SEPTIN14: variants seen among roughly 807,000 people sequenced by gnomAD.
SEPTIN14 encodes the protein septin-14.
Under a neutral mutation model 53.6 loss-of-function variants are expected in SEPTIN14, and 40 were observed. The observed-to-expected ratio is 0.75, with a 90% CI of 0.58 to 0.97. The LOEUF (loss-of-function observed/expected upper bound fraction) is 0.97. SEPTIN14 is among the 50% of genes least tolerant of loss of function. SEPTIN14 has a pLI of 0.00. For missense variants in SEPTIN14, 471 were observed against 508.2 expected (o/e 0.93, Z 0.70); for synonymous variants, 138 against 166.8 (o/e 0.83, Z 1.33).
Position 55,812,672 on chromosome 7 carries a change from C to G in SEPTIN14, c.818-5414G>C, listed in dbSNP as rs538819563. On this transcript the variant is annotated intron_variant, in intron 7 of 9. Transcript: ENST00000388975. ...TTGAACAAATATCCATGCAAGAAAA[C>G]ACCTTCATAAGGATGAAAAATCAGG... 3.2e-4 allele frequency among the ~76,000 whole-genome samples: 49 copies of G among 152,252 alleles called. 1 individual carries two copies. The highest frequency in any genetic ancestry group is 6.3e-4 in the Non-Finnish European group (43 of 68,012).
intron 7 of SEPTIN14, among the ~76,000 whole-genome samples, chr7:55,810,352 T>C (rs777741470): frequency 2.0e-5 from 3 of 152,186 alleles, no homozygotes; most frequent in Admixed American, 2.0e-4. Flanking sequence ...AAAAATATTA[T>C]ATATTTTGGA....
At chr7:55,862,156 G>A in intron 1 of SEPTIN14, 145 bp from the exon 2 acceptor site, 1 of 584,212 alleles carries the variant, frequency 1.7e-6, no homozygotes, top group Admixed American at 3.5e-5. Flanking sequence ...GTTTTAAACT[G>A]TGGCTGTCTT....
At chr7:55,855,754 A>G (rs1201820935) in intron 2 of SEPTIN14, among the ~76,000 whole-genome samples, 1 of 151,612 alleles carries the variant, frequency 6.6e-6, no homozygotes, top group Non-Finnish European at 1.5e-5. Flanking sequence ...GAGTTTCACT[A>G]TGTTGGCCAG....
intron 6 of SEPTIN14, among the ~76,000 whole-genome samples, chr7:55,833,905 A>G (rs1004615254): frequency 5.3e-5 from 8 of 152,136 alleles, no homozygotes; most frequent in Admixed American, 1.3e-4. Flanking sequence ...ATAAGGGACT[A>G]CTATGAACAA....
intron 7 of SEPTIN14, among the ~76,000 whole-genome samples, chr7:55,811,852 G>T (rs1788711957): frequency 1.3e-5 from 2 of 151,118 alleles, no homozygotes; most frequent in Admixed American, 1.3e-4. Context: ...GGAGTGCAGT[G>T]GTGCAATCTC....
chr7:55,833,067 C>T (rs1789138431), intron 6 of SEPTIN14, among the ~76,000 whole-genome samples: 2 of 152,046 alleles, frequency 1.3e-5, no homozygotes, highest in African/African-American at 4.8e-5. Flanking sequence ...GTAATCCCAG[C>T]ACTTTGTGAG....
chr7:55,843,710 T>C (rs895770316), intron 4 of SEPTIN14, among the ~76,000 whole-genome samples: 3 of 152,152 alleles, frequency 2.0e-5, no homozygotes, highest in African/African-American at 4.8e-5. Context: ...CAGGCGCCTG[T>C]AGTCCCAGGT....
chr7:55,841,023 A>G (rs1330052646), intron 5 of SEPTIN14, among the ~76,000 whole-genome samples: 1 of 152,042 alleles, frequency 6.6e-6, no homozygotes, highest in Non-Finnish European at 1.5e-5. Flanking sequence ...CCTCAGTCTC[A>G]TGAGCAGCTG....
chr7:55,798,634 T>C, intron 9 of SEPTIN14: 1 of 345,768 alleles, frequency 2.9e-6, no homozygotes, highest in Non-Finnish European at 5.7e-6. Context: ...TGAGTGGCAC[T>C]CATGATCTTC....
At chr7:55,830,263 AC>A (rs1301222480) in intron 6 of SEPTIN14, among the ~76,000 whole-genome samples, 1 of 146,592 alleles carries the variant, frequency 6.8e-6, no homozygotes, top group Non-Finnish European at 1.5e-5. Context: ...TATTTGCTTT[AC>A]TGGTTCAGCA....
intron 6 of SEPTIN14, among the ~76,000 whole-genome samples, chr7:55,822,450 A>T (rs1788912349): frequency 6.6e-6 from 1 of 152,256 alleles, no homozygotes. Context: ...TAGCCAATGC[A>T]ATATTGAAGA....
At chr7:55,822,596 C>T (rs1475619005) in intron 6 of SEPTIN14, among the ~76,000 whole-genome samples, 4 of 152,000 alleles carry the variant, frequency 2.6e-5, no homozygotes, top group Admixed American at 2.0e-4. Flanking sequence ...AATATGCCTA[C>T]ACAAATAAAG....
At position 55,846,065 on chromosome 7, in the gene SEPTIN14, G is replaced by GTGTATATATATA; in HGVS notation, c.175+451_175+452insTATATATATACA. Among the ~76,000 whole-genome samples, 7 of 39,746 alleles carry GTGTATATATATA rather than the reference G, an allele frequency of 1.8e-4. 2 individuals are homozygous for GTGTATATATATA. The East Asian group carries it at 4.2e-3, about 24-fold the overall frequency. The allele number at this position is 39,746 out of a possible 152,430, so 26.1% of individuals were successfully genotyped here. On this transcript the variant is annotated intron_variant, in intron 3 of 9. Transcript: ENST00000388975. Reference sequence around the variant, plus strand: ...CTCCGTCTCAGAAAAAAAAAAAAAAGTATATATATATATATATATATATAT... The same window carrying GTGTATATATATA: ...CTCCGTCTCAGAAAAAAAAAAAAAAGTGTATATATATATATATATATATATATATATATATAT...
At chr7:55,857,749 G>A (rs1005580907) in intron 2 of SEPTIN14, among the ~76,000 whole-genome samples, 2 of 151,120 alleles carry the variant, frequency 1.3e-5, no homozygotes, top group African/African-American at 2.4e-5. Flanking sequence ...CACCACGCCC[G>A]GCTAATTTTT....
At chr7:55,828,015 G>A in intron 6 of SEPTIN14, among the ~76,000 whole-genome samples, 1 of 151,240 alleles carries the variant, frequency 6.6e-6, no homozygotes, top group Non-Finnish European at 1.5e-5. Flanking sequence ...AAGAAGTTTG[G>A]CATCATGAAG....
chr7:55,798,250 C>T (rs1788464944), intron 9 of SEPTIN14: 1 of 433,258 alleles, frequency 2.3e-6, no homozygotes, highest in Admixed American at 3.7e-5. Context: ...GAGTTGGCAG[C>T]TGTTGCTCAT....
intron 2 of SEPTIN14, among the ~76,000 whole-genome samples, chr7:55,854,447 T>G (rs1393183318): frequency 6.6e-6 from 1 of 151,108 alleles, no homozygotes; most frequent in Admixed American, 6.6e-5. Flanking sequence ...TTTTTTTTTT[T>G]GAGACGGAGT....
intron 6 of SEPTIN14, among the ~76,000 whole-genome samples, chr7:55,834,094 G>A (rs988907950): frequency 3.9e-5 from 6 of 151,932 alleles, no homozygotes; most frequent in African/African-American, 1.5e-4. Context: ...TTACTTCATG[G>A]GTAAATTCTA....
rs748203186 is a variant in SEPTIN14, at chr7:55,795,972, C to T, written c.1240G>A (p.Glu414Lys). The T allele has an allele frequency of 6.3e-5, 101 of 1,592,574 alleles. No individual in the cohort carries two copies. The Middle Eastern group carries it at 9.1e-4, about 14-fold the overall frequency. ...IDFYKMKAASEALQTQLSTDT... is the reference protein window; with the variant it reads ...IDFYKMKAASKALQTQLSTDT... The stretch of plus-strand genomic sequence containing the variant: ...GTGCTCAGCTGAGTCTGCAGTGCTT[C>T]GGAGGCAGCTTTCATTTTATAAAAA... Residue 414 changes from glutamate (E) to lysine (K), a missense_variant, in exon 10 of 10, where the codon GAA becomes AAA. Physicochemically the swap from Glu to Lys is moderately conservative, Grantham distance 56. Transcript: ENST00000388975.
Sources: gnomAD v4.1 joint callset for allele counts (sites outside exome capture counted in the v4.1 genomes callset) on GRCh38, gnomAD v4.1.1 for gene constraint, MANE v1.5 for transcripts, NCBI Gene and HGNC (gene_info 2026-07-23, HGNC 2026-07-21) for gene names.